The following MYOM2 variants were observed in gnomAD, a reference collection of about 807,000 sequenced individuals.
MYOM2 encodes the protein myomesin-2.
Under a neutral mutation model 187.6 loss-of-function variants are expected in MYOM2, and 254 were observed. The observed-to-expected ratio is 1.35, with a 90% confidence interval of 1.22 to 1.50. The LOEUF (loss-of-function observed/expected upper bound fraction) is 1.50. MYOM2 is among the 40% of genes most tolerant of loss of function. The pLI, the probability that MYOM2 is intolerant of heterozygous loss-of-function variation, is 0.00. For missense variants in MYOM2, 2,796 were observed against 1,924.0 expected (o/e 1.45, Z -8.48); for synonymous variants, 981 against 753.8 (o/e 1.30, Z -4.94).
intron 1 of MYOM2, among the ~76,000 whole-genome samples, chr8:2,045,475 G>A (rs1254655156): frequency 3.9e-5 from 6 of 152,190 alleles, no homozygotes; most frequent in Non-Finnish European, 7.3e-5. Context: ...GCCCCAGGGG[G>A]CCCCCCAGTC....
In MYOM2 at chr8:2,076,170, G is replaced by T. The variant is rs145411559; in HGVS notation, c.1150G>T (p.Gly384Cys). ...TGACCCGCTGGTCACAGGGGCCCCC[G>T]GTGCACCCATGGACTTGCAGTGCCA... ...DADPLVTGAP[G>C]APMDLQCHDA... Residue 384 changes from glycine to cysteine, a missense_variant, in exon 11 of 37, where the codon GGT becomes TGT. Physicochemically the swap from Gly to Cys is radical, Grantham distance 159 (BLOSUM62 -3). Transcript: ENST00000262113. 9 of 1,612,794 alleles carry T rather than the reference G, an allele frequency of 5.6e-6. No homozygotes were observed. Among genetic ancestry groups the T allele is most frequent in the Non-Finnish European group, 5.9e-6 (7 of 1,179,786 alleles).
rs200482282 is a variant in MYOM2, at chr8:2,085,418, A to G, written c.1644+28A>G. ...AAACTCCGGGCCCGTGTCCTGGAAA[A>G]GTAGATCTCTGCATGGCCCCCCACT... On this transcript the variant is annotated intron_variant, in intron 14 of 36. Transcript: ENST00000262113. 1,499 of 1,563,122 alleles carry G rather than the reference A, an allele frequency of 9.6e-4. 3 individuals are homozygous for G. The highest frequency in any genetic ancestry group is 1.2e-3 in the Non-Finnish European group (1,366 of 1,152,134).
intron 21 of MYOM2, 82 bp downstream of exon 21, chr8:2,102,863 G>A (rs1394393118): frequency 8.7e-7 from 1 of 1,153,562 alleles, no homozygotes; most frequent in African/African-American, 1.5e-5. Context: ...GGATGAGGGT[G>A]TGTGGATAAA....
chr8:2,086,470 A>C lies in MYOM2; in HGVS notation c.1644+1080A>C, dbSNP rs1186004957. Among the ~76,000 whole-genome samples, 58 of 96,398 alleles carry C rather than the reference A, an allele frequency of 6.0e-4. 2 individuals are homozygous for C. Among genetic ancestry groups the C allele is most frequent in the African/African-American group, 1.1e-3 (18 of 16,704 alleles). The allele number at this position is 96,398 out of a possible 152,430, so 63.2% of individuals were successfully genotyped here. On this transcript the variant is annotated intron_variant, in intron 14 of 36. Transcript: ENST00000262113. ...ACTGTCGTGATCTCCACGTGGCCAC[A>C]CACTGTCATGATCTCTGTGTGGCCC...
At chr8:2,122,269 C>T (rs2116856581) in intron 28 of MYOM2, among the ~76,000 whole-genome samples, 1 of 152,304 alleles carries the variant, frequency 6.6e-6, no homozygotes, top group East Asian at 1.9e-4. Flanking sequence ...AGGAGTGGTT[C>T]TGATTTAGAA....
chr8:2,079,299 A>T (rs1037131851), intron 12 of MYOM2, among the ~76,000 whole-genome samples: 2 of 152,036 alleles, frequency 1.3e-5, no homozygotes, highest in African/African-American at 4.8e-5. Context: ...CAGATTCCTT[A>T]ATGGGACTGG....
At chr8:2,112,998 T>C (rs1397474170) in intron 25 of MYOM2, among the ~76,000 whole-genome samples, 2 of 152,198 alleles carry the variant, frequency 1.3e-5, no homozygotes, top group Non-Finnish European at 2.9e-5. Flanking sequence ...CCTTGGGTCC[T>C]GGGTAAGATC....
intron 6 of MYOM2, among the ~76,000 whole-genome samples, chr8:2,063,042 C>G (rs1343871831): frequency 6.6e-6 from 1 of 152,164 alleles, no homozygotes. Flanking sequence ...TTGGATTTTG[C>G]TTGCATATGC....
rs769485702 is a variant in MYOM2 at position 2,116,294 on chromosome 8, AC to A, written c.3385+21del. 36 of 1,608,060 alleles carry A rather than the reference AC, an allele frequency of 2.2e-5. No homozygotes were observed. Among genetic ancestry groups the A allele is most frequent in the Non-Finnish European group, 3.0e-5 (35 of 1,176,928 alleles). ...AAACAAGGTGAGTTTCCTCACTCTG[AC>A]CGGCTCCCCTGCCCCTAGCATAAAG... On this transcript the variant is annotated intron_variant, in intron 27 of 36. Transcript: ENST00000262113.
intron 32 of MYOM2, 73 bp downstream of exon 32, chr8:2,129,305 G>A (rs554753126): frequency 1.2e-5 from 12 of 961,458 alleles, no homozygotes; most frequent in South Asian, 4.2e-5. Flanking sequence ...GGGACCAGGC[G>A]CTCCCTGGGG....
In MYOM2 at chr8:2,090,077, G is replaced by A. The variant is rs767633672; in HGVS notation, c.1714G>A (p.Val572Met). The change falls in exon 15 of 37, where the codon GTG (valine) becomes ATG (methionine). Residue 572 changes from valine to methionine, a missense_variant. Coordinates refer to ENST00000262113, the MANE Select transcript of MYOM2 (RefSeq NM_003970.4). ...QTAVRSPRYA[V>M]FDLMEGKSYV... ...GGCTGTGAGATCCCCGAGATATGCC[G>A]TGTTTGACCTCATGGAAGGGAAGTC... 13 of 1,614,098 alleles carry A rather than the reference G, an allele frequency of 8.1e-6. No homozygotes were observed. The highest frequency in any genetic ancestry group is 2.2e-5 in the East Asian group (1 of 44,878).
chr8:2,081,603 A>T (rs1301532123), intron 13 of MYOM2, among the ~76,000 whole-genome samples: 1 of 152,226 alleles, frequency 6.6e-6, no homozygotes, highest in Non-Finnish European at 1.5e-5. Flanking sequence ...CTTATCTGTG[A>T]TGAAATTTGC....
intron 31 of MYOM2, among the ~76,000 whole-genome samples, chr8:2,128,633 T>A (rs958992085): frequency 6.6e-6 from 1 of 152,198 alleles, no homozygotes; most frequent in Admixed American, 6.5e-5. Context: ...TTATTGCCCC[T>A]GGGGTTTCTT....
chr8:2,103,400 T>A (rs1266825196), intron 21 of MYOM2, among the ~76,000 whole-genome samples: 1 of 150,560 alleles, frequency 6.6e-6, no homozygotes, highest in African/African-American at 2.4e-5. Flanking sequence ...GCATGTGTTA[T>A]GTGTTTATGT....
At chr8:2,130,138 CGTCCCCACCGCGCCTTTAG>C (rs1797806721) in intron 32 of MYOM2, among the ~76,000 whole-genome samples, 1 of 120,338 alleles carries the variant, frequency 8.3e-6, no homozygotes, top group African/African-American at 4.1e-5. Flanking sequence ...ATACCCAGGG[CGTCCCCACCGCGCCTTTAG>C]TGAACACCCC....
At chr8:2,089,120 T>G (rs1796198253) in intron 14 of MYOM2, among the ~76,000 whole-genome samples, 1 of 140,048 alleles carries the variant, frequency 7.1e-6, no homozygotes, top group Non-Finnish European at 1.6e-5. Flanking sequence ...TATCTGAATT[T>G]TCAGCAGGCT....
intron 35 of MYOM2, among the ~76,000 whole-genome samples, chr8:2,142,858 C>T (rs551904791): frequency 4.1e-4 from 62 of 151,352 alleles, no homozygotes; most frequent in Admixed American, 1.1e-3. Flanking sequence ...TGGGTTCAAG[C>T]GATTCTCCTG....
rs778214891 is a variant in MYOM2, at chr8:2,144,717, G to T, written c.4134G>T (p.Trp1378Cys). The part of the protein sequence containing the change: ...VFGNPDPEVI[W>C]FKNDQDIQLS... ...GAAACCCTGACCCCGAAGTGATTTG[G>T]TTCAAGAACGACCAGGACATCCAGC... is the stretch of plus-strand genomic sequence containing the variant. Residue 1378 changes from tryptophan to cysteine, a missense_variant, in exon 37 of 37, where the codon TGG becomes TGT. Trp to Cys is a radical substitution (Grantham distance 215). Transcript: ENST00000262113. 1.9e-6 allele frequency: 3 copies of T among 1,613,808 alleles called. No homozygotes were observed. The highest frequency in any genetic ancestry group is 2.7e-5 in the African/African-American group (2 of 74,848).
In MYOM2 at chr8:2,072,499, G is replaced by T; in HGVS notation, c.948G>T (p.Trp316Cys). 1.2e-6 allele frequency: 2 copies of T among 1,613,192 alleles called. No individual in the cohort carries two copies. The highest frequency in any genetic ancestry group is 1.7e-6 in the Non-Finnish European group (2 of 1,180,014). The change falls in exon 9 of 37, where the codon TGG becomes TGT. Residue 316 changes from tryptophan to cysteine, a missense_variant. Transcript: ENST00000262113. ...DLKRVQPRAE[W>C]YRDDVLLKES... ...AGCGGGTGCAGCCGCGCGCCGAGTG[G>T]TACCGCGATGGTGAGTAGGACACGG...
Sources: gnomAD v4.1 joint callset for allele counts (sites outside exome capture counted in the v4.1 genomes callset) on GRCh38, gnomAD v4.1.1 for gene constraint, MANE v1.5 for transcripts, NCBI Gene and HGNC (gene_info 2026-07-23, HGNC 2026-07-21) for gene names.